The following BACH1 variants were observed in gnomAD, a reference collection of about 807,000 sequenced individuals.
BACH1 encodes BTB domain and CNC homolog 1.
BACH1 carries 35 observed loss-of-function variants against 52.9 expected under a neutral mutation model. That is an observed-to-expected ratio of 0.66 (90% CI 0.51 to 0.88). The LOEUF is 0.88. Among genes scored for constraint, BACH1 ranks in the 40% least tolerant of loss-of-function variants. The pLI, the probability that BACH1 is intolerant of heterozygous loss-of-function variation, is 0.00. For synonymous variants in BACH1, 321 were observed against 319.6 expected (o/e 1.00, Z -0.05); for missense variants, 808 against 872.6 (o/e 0.93, Z 0.93).
chr21:29,299,367 G>T (rs1324424837), intron 1 of BACH1: 1 of 152,172 alleles, frequency 6.6e-6, no homozygotes, highest in African/African-American at 2.4e-5. Flanking sequence ...CCTCGCGGCT[G>T]GGGCCCCGTA....
intron 1 of BACH1, among the ~76,000 whole-genome samples, chr21:29,313,431 T>C (rs1488932565): frequency 1.3e-5 from 2 of 152,256 alleles, no homozygotes; most frequent in African/African-American, 4.8e-5. Flanking sequence ...CCAGCTCTTC[T>C]ACTCCTAGGT....
intron 3 of BACH1, among the ~76,000 whole-genome samples, chr21:29,328,366 G>A (rs2088939735): frequency 6.6e-6 from 1 of 151,738 alleles, no homozygotes; most frequent in African/African-American, 2.4e-5. Context: ...GGGCCTGTTA[G>A]TTCCTTCCAA....
chr21:29,355,331 A>G (rs997960615), intron 2 of BACH1, among the ~76,000 whole-genome samples: 1 of 151,998 alleles, frequency 6.6e-6, no homozygotes, highest in African/African-American at 2.4e-5. Context: ...GTTTTTACAG[A>G]GTGCTGATTG....
At chr21:29,321,900 G>A (rs2088852656) in intron 2 of BACH1, among the ~76,000 whole-genome samples, 4 of 152,136 alleles carry the variant, frequency 2.6e-5, no homozygotes, top group Admixed American at 1.3e-4. Flanking sequence ...GTCTGTTCTC[G>A]TGGCGCTAAT....
intron 4 of BACH1, among the ~76,000 whole-genome samples, chr21:29,334,109 T>A (rs2123462137): frequency 6.6e-6 from 1 of 151,982 alleles, no homozygotes; most frequent in East Asian, 1.9e-4. Flanking sequence ...TTTATTTTTT[T>A]TATTTTTTTT....
chr21:29,328,527 T>C (rs1463744171), intron 3 of BACH1, among the ~76,000 whole-genome samples: 1 of 152,210 alleles, frequency 6.6e-6, no homozygotes, highest in Non-Finnish European at 1.5e-5. Context: ...TTTTTTCCCC[T>C]TTCTTGGGCT....
At chr21:29,359,893 AC>A (rs1237884645) in intron 2 of BACH1, among the ~76,000 whole-genome samples, 5 of 152,110 alleles carry the variant, frequency 3.3e-5, no homozygotes, top group Non-Finnish European at 5.9e-5. Context: ...TGCTCTGCTC[AC>A]CTGTGACAAA....
chr21:29,351,961 A>G (rs76882353), intron 2 of BACH1: 1 of 327,234 alleles, frequency 3.1e-6, no homozygotes, highest in Non-Finnish European at 6.1e-6. Flanking sequence ...AATTTAAGCA[A>G]TGACTCAGTT....
Position 29,359,819 on chromosome 21 carries a change from C to T in BACH1, c.472+30126C>T, listed in dbSNP as rs373686397. Among the ~76,000 whole-genome samples, 73 of 152,280 alleles carry T rather than the reference C, an allele frequency of 4.8e-4. 1 individual carries two copies. Among genetic ancestry groups the T allele is most frequent in the African/African-American group, 1.4e-3 (59 of 41,550 alleles). On this transcript the variant is annotated intron_variant, in intron 2 of 4. Coordinates refer to the BACH1 transcript ENST00000422809. ...ACAGTTCTGTTGAACTTCATCCTGG[C>T]CATATTAATTGATACCTTATCTTCA...
At chr21:29,331,046 AG>A (rs1203463455) in intron 4 of BACH1, among the ~76,000 whole-genome samples, 2 of 152,000 alleles carry the variant, frequency 1.3e-5, no homozygotes, top group African/African-American at 4.8e-5. Flanking sequence ...TCAATTCTAT[AG>A]TACTTAGTAC....
At chr21:29,340,364 A>G (rs1034546202) in intron 4 of BACH1, among the ~76,000 whole-genome samples, 2 of 152,144 alleles carry the variant, frequency 1.3e-5, no homozygotes, top group African/African-American at 2.4e-5. Context: ...GGCTGTGCCT[A>G]TTTGTTTTAG....
chr21:29,309,055 C>T (rs1157164008), intron 1 of BACH1, among the ~76,000 whole-genome samples: 2 of 152,018 alleles, frequency 1.3e-5, no homozygotes, highest in Non-Finnish European at 2.9e-5. Flanking sequence ...GTCAGGAGTT[C>T]GAGACCAGCC....
chr21:29,333,933 GTTTA>G (rs753295753), intron 4 of BACH1, among the ~76,000 whole-genome samples: 8 of 152,172 alleles, frequency 5.3e-5, no homozygotes, highest in South Asian at 2.1e-4. Context: ...AAGAAAAGGT[GTTTA>G]TTTATTTGGT....
At chr21:29,311,762 C>T (rs528492559) in intron 1 of BACH1, among the ~76,000 whole-genome samples, 2 of 152,236 alleles carry the variant, frequency 1.3e-5, no homozygotes, top group Non-Finnish European at 2.9e-5. Context: ...TGAGGCAGTG[C>T]CTTTTGACTC....
At chr21:29,324,556 T>TTTG (rs974377139) in intron 2 of BACH1, among the ~76,000 whole-genome samples, 2 of 145,222 alleles carry the variant, frequency 1.4e-5, no homozygotes, top group African/African-American at 2.5e-5. Flanking sequence ...TGGATGTACC[T>TTTG]TGTGTGTGTG....
At chr21:29,329,173 T>C (rs1350965352) in intron 3 of BACH1, among the ~76,000 whole-genome samples, 1 of 152,204 alleles carries the variant, frequency 6.6e-6, no homozygotes, top group East Asian at 1.9e-4. Context: ...CCAGGCATGG[T>C]GGCATGTGCC....
At chr21:29,311,717 C>A (rs968810854) in intron 1 of BACH1, among the ~76,000 whole-genome samples, 6 of 152,100 alleles carry the variant, frequency 3.9e-5, no homozygotes, top group African/African-American at 1.4e-4. Flanking sequence ...GCTCTAAACA[C>A]TTTTTTTCTA....
At chr21:29,316,129 C>T (rs956747412) in intron 1 of BACH1, among the ~76,000 whole-genome samples, 10 of 152,136 alleles carry the variant, frequency 6.6e-5, no homozygotes, top group Admixed American at 5.2e-4. Flanking sequence ...TTCTGACTTT[C>T]TGTTAGATGA....
At chr21:29,310,240 C>T (rs542139469) in intron 1 of BACH1, among the ~76,000 whole-genome samples, 118 of 152,276 alleles carry the variant, frequency 7.7e-4, no homozygotes, top group Middle Eastern at 3.4e-3. Flanking sequence ...TAATTGTGAA[C>T]TATCTTTTTA....
Sources: gnomAD v4.1 joint callset for allele counts (sites outside exome capture counted in the v4.1 genomes callset) on GRCh38, gnomAD v4.1.1 for gene constraint, MANE v1.5 for transcripts, NCBI Gene and HGNC (gene_info 2026-07-23, HGNC 2026-07-21) for gene names.